The following TNRC18 variants were observed in gnomAD, a reference collection of about 807,000 sequenced individuals.
TNRC18 encodes the protein trinucleotide repeat containing 18.
Under a neutral mutation model 226.7 loss-of-function variants are expected in TNRC18, and 69 were observed. The observed-to-expected ratio is 0.30, with a 90% CI of 0.25 to 0.37. The LOEUF is 0.37. Among genes scored for constraint, TNRC18 ranks in the 10% least tolerant of loss-of-function variants. TNRC18 has a pLI of 1.00. For synonymous variants in TNRC18, 2,449 were observed against 1,927.6 expected (o/e 1.27, Z -7.09); for missense variants, 4,754 against 4,256.6 (o/e 1.12, Z -3.25).
chr7:5,320,967 G>A (rs1788291769), intron 22 of TNRC18, 106 bp downstream of exon 22: 2 of 838,126 alleles, frequency 2.4e-6, no homozygotes, highest in Non-Finnish European at 1.9e-6. Context: ...GTGCCATCGG[G>A]GGAAACCACA....
chr7:5,387,844 GCTCTCGGGC>G lies in TNRC18; in HGVS notation c.1971_1979del (p.Arg657_Glu659del), dbSNP rs772000789. 4.4e-6 allele frequency: 7 copies of G among 1,604,380 alleles called. No individual in the cohort carries two copies. The East Asian group carries it at 6.7e-5, about 15-fold the overall frequency. On this transcript the variant is annotated inframe_deletion, in exon 5 of 30. Coordinates refer to ENST00000430969, the MANE Select transcript of TNRC18 (RefSeq NM_001080495.3). ...AGCCCTCGCGCCCGAAAGCTTTGGC[GCTCTCGGGC>G]CTCTCGGGGTCCCGCTTCAGCTGCC...
chr7:5,315,596 G>C (rs1787772237), intron 25 of TNRC18, among the ~76,000 whole-genome samples: 1 of 152,100 alleles, frequency 6.6e-6, no homozygotes, highest in African/African-American at 2.4e-5. Context: ...GCTAATTTTT[G>C]TATTTTTAAT....
At chr7:5,335,477 G>T (rs1241358096) in intron 18 of TNRC18, among the ~76,000 whole-genome samples, 1 of 151,536 alleles carries the variant, frequency 6.6e-6, no homozygotes, top group Non-Finnish European at 1.5e-5. Flanking sequence ...GCATGGTGGT[G>T]GGCACTGTAG....
rs58182076 is a variant in TNRC18, at chr7:5,370,306, C to G, written c.4219+69G>C. 46 of 1,478,758 alleles carry G rather than the reference C, an allele frequency of 3.1e-5. No homozygotes were observed. In the East Asian group the frequency reaches 1.1e-3, roughly 34 times the overall value. The allele number at this position is 1,478,758 out of a possible 1,614,324, so 91.6% of individuals were successfully genotyped here. A position where few individuals can be genotyped will look rare whatever the true frequency, so the allele number is the denominator to read the frequency against. On this transcript the variant is annotated intron_variant, in intron 11 of 29. Transcript: ENST00000430969. ...CCACTGCACTCCAGCCTGGGCAACA[C>G]AGCAAGACCCCATCACCACAAAACT...
chr7:5,359,435 C>A lies in TNRC18; in HGVS notation c.4796G>T (p.Trp1599Leu), dbSNP rs1047849345. The A allele has an allele frequency of 5.0e-6, 8 of 1,614,024 alleles. No homozygotes were observed. In the Middle Eastern group the frequency reaches 5.0e-4, roughly 100 times the overall value. ...MGKARGRNQT[W>L]DEHEASSDFI... ...GTCCGACGAGGCCTCATGTTCATCC[C>A]AAGTCTGGTTCCTCCCCCTGGCTTT... Residue 1599 changes from tryptophan (W) to leucine (L), a missense_variant, in exon 15 of 30, where the codon TGG becomes TTG. Trp to Leu is a moderately conservative substitution (Grantham distance 61, BLOSUM62 -2). Coordinates refer to ENST00000430969, the MANE Select transcript of TNRC18 (RefSeq NM_001080495.3).
At chr7:5,384,547 G>A (rs914663959) in intron 5 of TNRC18, among the ~76,000 whole-genome samples, 7 of 133,036 alleles carry the variant, frequency 5.3e-5, no homozygotes, top group East Asian at 2.6e-4. Context: ...ACAAACACAC[G>A]CACAGCCTCT....
In TNRC18 at chr7:5,324,546, C is replaced by G. The variant is rs897751903; in HGVS notation, c.6301-191G>C. Among the ~76,000 whole-genome samples, 9 of 152,180 alleles carry G rather than the reference C, an allele frequency of 5.9e-5. No homozygotes were observed. The highest frequency in any genetic ancestry group is 1.2e-4 in the African/African-American group (5 of 41,438). ...TGAAATGGGCCCAAAACCCAGCTGG[C>G]CCATGCTCAGTACTCGGTGCTCAAT... On this transcript the variant is annotated intron_variant, in intron 20 of 29. Transcript: ENST00000430969. This position sits in a 1 kb window ranked among gnomAD's most constrained non-coding sequence, Gnocchi z 4.8.
chr7:5,358,671 G>A (rs1216719008), intron 15 of TNRC18, among the ~76,000 whole-genome samples: 1 of 152,126 alleles, frequency 6.6e-6, no homozygotes, highest in Non-Finnish European at 1.5e-5. Flanking sequence ...AAAATCAGCT[G>A]GACATAGTGG....
rs537143592 is a variant in TNRC18 at position 5,376,027 on chromosome 7, G to A, written c.2799+7C>T. 79 of 1,585,954 alleles carry A rather than the reference G, an allele frequency of 5.0e-5. No individual in the cohort carries two copies. Among genetic ancestry groups the A allele is most frequent in the Admixed American group, 1.1e-4 (6 of 56,302 alleles). On this transcript the variant is annotated splice_region_variant and intron_variant, in intron 9 of 29. Coordinates refer to ENST00000430969, the MANE Select transcript of TNRC18 (RefSeq NM_001080495.3). ...GAGGGAGCTGCGCCTCATCCTCCCC[G>A]ACTTACCACGAGCTGGGCGCTCCTC...
intron 18 of TNRC18, among the ~76,000 whole-genome samples, chr7:5,335,826 T>C (rs1169508371): frequency 1.5e-5 from 2 of 131,928 alleles, no homozygotes. Context: ...AAGGAGATCA[T>C]ATTCACTGGA....
intron 27 of TNRC18, among the ~76,000 whole-genome samples, chr7:5,311,145 C>T: frequency 6.6e-6 from 1 of 152,086 alleles, no homozygotes; most frequent in East Asian, 1.9e-4. Flanking sequence ...TGTATACTTG[C>T]TTTTGTGTGT....
chr7:5,409,505 C>A (rs1213317978), intron 2 of TNRC18, among the ~76,000 whole-genome samples: 2 of 150,434 alleles, frequency 1.3e-5, no homozygotes, highest in Non-Finnish European at 3.0e-5. Flanking sequence ...TCGTTTGAGC[C>A]CCAGTCGTTT....
Position 5,388,693 on chromosome 7 carries a change from G to C in TNRC18, c.1131C>G (p.Ser377=), listed in dbSNP as rs1780018674. 1.3e-5 allele frequency: 16 copies of C among 1,266,254 alleles called. No individual in the cohort carries two copies. Among genetic ancestry groups the C allele is most frequent in the Non-Finnish European group, 1.3e-5 (13 of 1,003,558 alleles). The allele number at this position is 1,266,254 out of a possible 1,614,324, so 78.4% of individuals were successfully genotyped here. ...CCGGGCGCTCGTCGAAGGCCTCCAC[G>C]GAAGGCACGAAGGTGGGCGCCACCA... ...HRVVAPTFVP[S]VEAFDERPGP... Residue 377 remains serine, a synonymous_variant, in exon 5 of 30, where the codon TCC becomes TCG. Transcript: ENST00000430969.
rs115766279 is a variant in TNRC18 at position 5,318,419 on chromosome 7, T to G, written c.6745+1899A>C. 3.4e-3 allele frequency among the ~76,000 whole-genome samples: 518 copies of G among 151,948 alleles called. 5 individuals are homozygous for G. The highest frequency in any genetic ancestry group is 0.012 in the African/African-American group (494 of 41,434). On this transcript the variant is annotated intron_variant, in intron 24 of 29. Transcript: ENST00000430969. ...AAATCTCTCCATAAGTTGAACAAAATAAGCAAATATTAACAGAAAAAAAGA... is the reference window on the plus strand; with the variant it reads ...AAATCTCTCCATAAGTTGAACAAAAGAAGCAAATATTAACAGAAAAAAAGA...
At position 5,377,217 on chromosome 7, in the gene TNRC18, G is replaced by C. The variant is rs560745024; in HGVS notation, c.2461+154C>G. 1.3e-5 allele frequency among the ~76,000 whole-genome samples: 2 copies of C among 152,358 alleles called. No individual in the cohort carries two copies. The highest frequency in any genetic ancestry group is 1.9e-4 in the East Asian group (1 of 5,186). On this transcript the variant is annotated intron_variant, in intron 7 of 29. Transcript: ENST00000430969. The surrounding 1 kb of genome is among the most constrained non-coding windows in gnomAD (Gnocchi z 5.8). ...TGGCAGAGGGGCCCCACGAGGCAGA[G>C]GCCATTATCATTCCTTCTTCCGACG... is the stretch of plus-strand genomic sequence containing the variant.
Position 5,388,659 on chromosome 7 carries a change from G to C in TNRC18, c.1165C>G (p.Gln389Glu). The change falls in exon 5 of 30, where the codon CAG (glutamine) becomes GAG (glutamate). Residue 389 changes from glutamine to glutamate, a missense_variant. Coordinates refer to ENST00000430969, the MANE Select transcript of TNRC18 (RefSeq NM_001080495.3). ...EAFDERPGPIQIASQARDARA... is the reference protein window; with the variant it reads ...EAFDERPGPIEIASQARDARA... ...GCATCGCGCGCCTGGGATGCGATCT[G>C]GATGGGCCCCGGGCGCTCGTCGAAG... 1 of 1,277,050 alleles carries C rather than the reference G, an allele frequency of 7.8e-7. No individual in the cohort carries two copies. The highest frequency in any genetic ancestry group is 9.9e-7 in the Non-Finnish European group (1 of 1,010,034). 79.1% of individuals were successfully genotyped at this position (1,277,050 alleles called of 1,614,324 possible).
At position 5,394,370 on chromosome 7, in the gene TNRC18, C is replaced by T; in HGVS notation, c.343+70G>A. ...GCTCAGCGATGACAACAGAGGGGCA[C>T]ATGAAGTGGCCAGAGTGGCTGGGAC... On this transcript the variant is annotated intron_variant, in intron 3 of 29. Transcript: ENST00000430969. This position sits in a 1 kb window ranked among gnomAD's most constrained non-coding sequence, Gnocchi z 4.5. The T allele has an allele frequency of 7.1e-7, 1 of 1,402,652 alleles. No individual in the cohort carries two copies. Among genetic ancestry groups the T allele is most frequent in the African/African-American group, 1.5e-5 (1 of 67,348 alleles). The allele number at this position is 1,402,652 out of a possible 1,614,324, so 86.9% of individuals were successfully genotyped here. A position where few individuals can be genotyped will look rare whatever the true frequency, so the allele number is the denominator to read the frequency against.
intron 17 of TNRC18, among the ~76,000 whole-genome samples, chr7:5,350,734 A>G: frequency 6.6e-6 from 1 of 152,220 alleles, no homozygotes; most frequent in Non-Finnish European, 1.5e-5. Context: ...GACACTGGAA[A>G]GGGCAAGGCC....
rs539906957 is a variant in TNRC18, at chr7:5,387,944, G to A, written c.1880C>T (p.Ser627Phe). ...GGCCTGGGCTCGGGAGGCACCCGCA[G>A]AGGTGGGCGCAGGCTCGGGTTTCAT... ...GTMKPEPAPT[S>F]AGASRAQARL... The change falls in exon 5 of 30, where the codon TCT (serine) becomes TTT (phenylalanine). Residue 627 changes from serine (S) to phenylalanine (F), a missense_variant. By Grantham distance (155) the Ser-to-Phe change is radical (BLOSUM62 -2). Transcript: ENST00000430969. The A allele has an allele frequency of 7.1e-5, 114 of 1,598,640 alleles. No homozygotes were observed. Among genetic ancestry groups the A allele is most frequent in the Non-Finnish European group, 9.4e-5 (110 of 1,173,742 alleles).
Sources: gnomAD v4.1 joint callset for allele counts (sites outside exome capture counted in the v4.1 genomes callset) on GRCh38, gnomAD v4.1.1 for gene constraint, Gnocchi (gnomAD v3.1) non-coding constraint, MANE v1.5 for transcripts, NCBI Gene and HGNC (gene_info 2026-07-23, HGNC 2026-07-21) for gene names.